PBRM1: variants seen among roughly 807,000 people sequenced by gnomAD.
PBRM1 encodes the protein protein polybromo-1.
PBRM1 carries 27 observed loss-of-function variants against 194.5 expected under a neutral mutation model. The observed-to-expected ratio is 0.14, with a 90% CI of 0.10 to 0.19. The LOEUF (loss-of-function observed/expected upper bound fraction) is 0.19. PBRM1 is among the 10% of genes least tolerant of loss of function. The pLI, the probability that PBRM1 is intolerant of heterozygous loss-of-function variation, is 1.00. For missense variants in PBRM1, 1,466 were observed against 2,077.2 expected (o/e 0.71, Z 5.72); for synonymous variants, 655 against 693.2 (o/e 0.94, Z 0.87).
chr3:52,619,044 C>T (rs941336438), intron 13 of PBRM1, among the ~76,000 whole-genome samples: 6 of 151,910 alleles, frequency 3.9e-5, no homozygotes, highest in Non-Finnish European at 7.4e-5. Flanking sequence ...CCATCGGGCT[C>T]GGCTGTGCCC....
intron 22 of PBRM1, among the ~76,000 whole-genome samples, chr3:52,569,728 T>G (rs2086442436): frequency 6.6e-6 from 1 of 152,250 alleles, no homozygotes; most frequent in African/African-American, 2.4e-5. Flanking sequence ...GTGGCATATC[T>G]TGTTAAGTTT....
At chr3:52,622,994 AC>A (rs2095332228) in intron 13 of PBRM1, among the ~76,000 whole-genome samples, 1 of 152,200 alleles carries the variant, frequency 6.6e-6, no homozygotes, top group South Asian at 2.1e-4. Flanking sequence ...TATAATTATT[AC>A]CCCAACTATG....
intron 1 of PBRM1, among the ~76,000 whole-genome samples, chr3:52,679,220 A>G (rs1167658867): frequency 1.3e-5 from 2 of 152,150 alleles, no homozygotes; most frequent in Non-Finnish European, 2.9e-5. Context: ...ATTATTCTTT[A>G]TTCGTTTACT....
exon 17 of PBRM1, chr3:52,603,533 C>T (rs769094785): frequency 3.8e-6 from 6 of 1,593,908 alleles, no homozygotes; most frequent in Non-Finnish European, 3.4e-6. Context: ...CTTTTTTCTT[C>T]TTCTCGTTTT....
chr3:52,658,131 T>C (rs540213950), intron 5 of PBRM1, 68 bp downstream of exon 6: 4 of 788,506 alleles, frequency 5.1e-6, no homozygotes, highest in Admixed American at 3.7e-5. Context: ...TTATCAGTAA[T>C]TAATACAATT....
At chr3:52,587,253 A>G in intron 19 of PBRM1, 100 bp downstream of exon 21, 3 of 923,510 alleles carry the variant, frequency 3.2e-6, no homozygotes, top group Non-Finnish European at 5.1e-6. Flanking sequence ...AAATAGCTTA[A>G]AACAGAGTTC....
chr3:52,674,213 G>A (rs2097028054), intron 2 of PBRM1, among the ~76,000 whole-genome samples: 1 of 151,832 alleles, frequency 6.6e-6, no homozygotes, highest in Non-Finnish European at 1.5e-5. Context: ...TGAGCACGGT[G>A]GCTCACGCCT....
chr3:52,596,955 C>A (rs1379023048), intron 17 of PBRM1, among the ~76,000 whole-genome samples: 1 of 152,082 alleles, frequency 6.6e-6, no homozygotes, highest in African/African-American at 2.4e-5. Flanking sequence ...TATTTAGGAC[C>A]CCAGAGCCCT....
chr3:52,621,289 A>G (rs1292577766), intron 13 of PBRM1, among the ~76,000 whole-genome samples: 1 of 152,056 alleles, frequency 6.6e-6, no homozygotes, highest in African/African-American at 2.4e-5. Flanking sequence ...CCTCCCAAGT[A>G]GCTGGGACTA....
intron 2 of PBRM1, among the ~76,000 whole-genome samples, chr3:52,678,257 G>A (rs1364337026): frequency 6.6e-6 from 1 of 151,992 alleles, no homozygotes; most frequent in East Asian, 1.9e-4. Context: ...GCATGCTCCT[G>A]TGCCTGGCTC....
At chr3:52,664,430 A>AAAAG (rs1656841510) in intron 3 of PBRM1, among the ~76,000 whole-genome samples, 1 of 149,408 alleles carries the variant, frequency 6.7e-6, no homozygotes, top group African/African-American at 2.4e-5. Flanking sequence ...AAAAAAAAAA[A>AAAAG]GATTATCTAA....
chr3:52,558,473 C>T (rs2082684408), intron 25 of PBRM1, 60 bp from the exon 28 acceptor site: 6 of 1,391,650 alleles, frequency 4.3e-6, no homozygotes, highest in Non-Finnish European at 5.8e-6. Flanking sequence ...AAATACCATC[C>T]ATTGCATTCA....
intron 2 of PBRM1, 113 bp from the exon 4 acceptor site, chr3:52,668,758 T>C: frequency 2.5e-6 from 1 of 402,668 alleles, no homozygotes; most frequent in Non-Finnish European, 4.1e-6. Context: ...CATATTAGAA[T>C]CTTTCATGGA....
intron 2 of PBRM1, among the ~76,000 whole-genome samples, chr3:52,669,070 T>A (rs1224223646): frequency 2.6e-5 from 4 of 152,166 alleles, no homozygotes; most frequent in Non-Finnish European, 5.9e-5. Flanking sequence ...CTTTCTTCAG[T>A]AAGTGACCAC....
chr3:52,547,141 T>C (rs990860913), downstream of PBRM1: 7 of 232,884 alleles, frequency 3.0e-5, no homozygotes, highest in African/African-American at 1.5e-4. Context: ...AAGACGAACT[T>C]CAATGTTTTT....
chr3:52,636,571 C>A (rs2095820201), intron 10 of PBRM1, among the ~76,000 whole-genome samples: 1 of 151,230 alleles, frequency 6.6e-6, no homozygotes, highest in East Asian at 2.0e-4. Flanking sequence ...GCCTGGCCAA[C>A]ATGATGAAAC....
chr3:52,574,532 A>C (rs570287172), intron 22 of PBRM1, among the ~76,000 whole-genome samples: 1 of 152,296 alleles, frequency 6.6e-6, no homozygotes, highest in East Asian at 1.9e-4. Flanking sequence ...CTCAGAGGAA[A>C]AGATGAGGAG....
intron 13 of PBRM1, 81 bp from the exon 15 acceptor site, chr3:52,625,022 G>T: frequency 1.1e-6 from 1 of 937,076 alleles, no homozygotes; most frequent in Non-Finnish European, 1.7e-6. Context: ...ACCATGTATG[G>T]TTGAAGAAAA....
chr3:52,649,850 G>T (rs915634764), intron 6 of PBRM1, among the ~76,000 whole-genome samples: 3 of 152,104 alleles, frequency 2.0e-5, no homozygotes, highest in African/African-American at 7.2e-5. Context: ...CCTTGAATCG[G>T]GTGATGGCAA....
Sources: gnomAD v4.1 joint callset for allele counts (sites outside exome capture counted in the v4.1 genomes callset) on GRCh38, gnomAD v4.1.1 for gene constraint, MANE v1.5 for transcripts, NCBI Gene and HGNC (gene_info 2026-07-23, HGNC 2026-07-21) for gene names.